MACROD2: variants seen among roughly 807,000 people sequenced by gnomAD.
MACROD2 encodes mono-ADP ribosylhydrolase 2, also known as ADP-ribose glycohydrolase MACROD2.
A neutral mutation model predicts 70.4 loss-of-function variants in MACROD2; 36 were observed. The observed-to-expected ratio is 0.51, with a 90% CI of 0.39 to 0.68. MACROD2 has a LOEUF of 0.68. Ranked by LOEUF, MACROD2 falls within the 30% of genes least tolerant of loss-of-function variation. The pLI is 0.00. For synonymous variants in MACROD2, 172 were observed against 178.8 expected (o/e 0.96, Z 0.30); for missense variants, 496 against 538.4 (o/e 0.92, Z 0.78).
chr20:14,696,187 G>A (rs562681560), intron 5 of MACROD2, among the ~76,000 whole-genome samples: 17 of 147,174 alleles, frequency 1.2e-4, no homozygotes, highest in South Asian at 2.1e-4. Context: ...TAGATAGATC[G>A]ATAGATAGAT....
At chr20:15,432,448 C>A (rs2046374916) in intron 7 of MACROD2, among the ~76,000 whole-genome samples, 1 of 152,054 alleles carries the variant, frequency 6.6e-6, no homozygotes, top group South Asian at 2.1e-4. Context: ...TACAGCCTGT[C>A]TTTGTGGAAA....
At chr20:15,101,590 A>G (rs545657852) in intron 5 of MACROD2, among the ~76,000 whole-genome samples, 5 of 119,274 alleles carry the variant, frequency 4.2e-5, no homozygotes, top group Admixed American at 9.0e-5. Flanking sequence ...TTTGCTTTTC[A>G]GTGAAATTTA....
chr20:15,467,318 G>A (rs147504298), intron 7 of MACROD2, among the ~76,000 whole-genome samples: 47 of 152,316 alleles, frequency 3.1e-4, no homozygotes, highest in South Asian at 4.1e-4. Flanking sequence ...GTCCACAGTG[G>A]CAACTGCTTT....
chr20:15,250,748 C>T (rs950255328), intron 6 of MACROD2, among the ~76,000 whole-genome samples: 13 of 152,100 alleles, frequency 8.5e-5, no homozygotes, highest in Non-Finnish European at 1.8e-4. Context: ...GTCTTCTCTT[C>T]CTTGGGAAAA....
At chr20:15,055,700 G>A (rs753015420) in intron 5 of MACROD2, among the ~76,000 whole-genome samples, 9 of 152,020 alleles carry the variant, frequency 5.9e-5, no homozygotes, top group Non-Finnish European at 8.8e-5. Context: ...ACAAGGTTTA[G>A]CCCAGAGTAT....
intron 6 of MACROD2, among the ~76,000 whole-genome samples, chr20:15,358,277 T>G (rs1198385040): frequency 1.3e-5 from 2 of 152,168 alleles, no homozygotes. Flanking sequence ...AAAGATAGAA[T>G]GCATTAAAAG....
intron 7 of MACROD2, among the ~76,000 whole-genome samples, chr20:15,467,822 A>T (rs1197557804): frequency 1.3e-5 from 2 of 152,186 alleles, no homozygotes; most frequent in Non-Finnish European, 2.9e-5. Flanking sequence ...TCCTGAGTGT[A>T]TAGTGGCAAG....
chr20:14,752,022 C>T (rs570751297), intron 5 of MACROD2, among the ~76,000 whole-genome samples: 2 of 151,360 alleles, frequency 1.3e-5, no homozygotes, highest in Non-Finnish European at 2.9e-5. Context: ...CTCTGGCTGC[C>T]TTTGTTTAGT....
chr20:14,933,030 C>A (rs571087405), intron 5 of MACROD2, among the ~76,000 whole-genome samples: 1 of 151,662 alleles, frequency 6.6e-6, no homozygotes, highest in Non-Finnish European at 1.5e-5. Context: ...TAAGTATTAA[C>A]GAAATAGAAA....
intron 5 of MACROD2, among the ~76,000 whole-genome samples, chr20:15,106,376 C>A (rs556936242): frequency 6.6e-6 from 1 of 152,162 alleles, no homozygotes; most frequent in Non-Finnish European, 1.5e-5. Context: ...TTATTAGTTT[C>A]TCGGTAAGCT....
chr20:14,938,212 A>G (rs939260243), intron 5 of MACROD2, among the ~76,000 whole-genome samples: 2 of 151,978 alleles, frequency 1.3e-5, no homozygotes, highest in African/African-American at 4.8e-5. Context: ...TATACCCAGT[A>G]TTGGAATTAC....
chr20:14,183,679 C>G (rs1236235352), intron 3 of MACROD2, among the ~76,000 whole-genome samples: 4 of 152,108 alleles, frequency 2.6e-5, no homozygotes, highest in Non-Finnish European at 5.9e-5. Flanking sequence ...TCCTTTTTCT[C>G]TACAACCACA....
intron 4 of MACROD2, among the ~76,000 whole-genome samples, chr20:14,683,704 G>A (rs543853576): frequency 5.9e-5 from 9 of 152,144 alleles, no homozygotes; most frequent in South Asian, 4.2e-4. Context: ...ATCCAGCTTC[G>A]TCTTAAATAA....
intron 15 of MACROD2, among the ~76,000 whole-genome samples, chr20:16,029,934 A>T (rs1398563563): frequency 6.6e-6 from 1 of 152,248 alleles, no homozygotes; most frequent in Non-Finnish European, 1.5e-5. Context: ...CTCTGGCGTG[A>T]ACAAGAACCA....
chr20:14,258,776 A>G (rs1260880517), intron 3 of MACROD2, among the ~76,000 whole-genome samples: 2 of 150,314 alleles, frequency 1.3e-5, no homozygotes, highest in Non-Finnish European at 3.0e-5. Context: ...TTTGTCATGA[A>G]CTCTCCCTAA....
intron 2 of MACROD2, among the ~76,000 whole-genome samples, chr20:14,024,753 A>G (rs1292268483): frequency 6.6e-6 from 1 of 152,166 alleles, no homozygotes; most frequent in Non-Finnish European, 1.5e-5. Flanking sequence ...GCTTTTTGAT[A>G]TGCTGCTGAA....
intron 3 of MACROD2, among the ~76,000 whole-genome samples, chr20:14,485,247 A>G (rs2084708761): frequency 6.6e-6 from 1 of 152,212 alleles, no homozygotes; most frequent in Non-Finnish European, 1.5e-5. Context: ...AGTGCCCATC[A>G]GTAATGGGAG....
chr20:14,483,374 A>C (rs1317459936), intron 3 of MACROD2, among the ~76,000 whole-genome samples: 2 of 152,064 alleles, frequency 1.3e-5, no homozygotes, highest in African/African-American at 4.8e-5. Flanking sequence ...ATATCTTTCT[A>C]GTAAGTTAAT....
chr20:14,322,116 G>A lies in MACROD2; in HGVS notation c.272-171363G>A, dbSNP rs73092412. 6.3e-3 allele frequency among the ~76,000 whole-genome samples: 887 copies of A among 141,018 alleles called. 4 individuals are homozygous for A. Among genetic ancestry groups the A allele is most frequent in the Admixed American group, 0.013 (183 of 13,664 alleles). 92.5% of individuals were successfully genotyped at this position (141,018 alleles called of 152,430 possible). A position where few individuals can be genotyped will look rare whatever the true frequency, so the allele number is the denominator to read the frequency against. Reference sequence around the variant, plus strand: ...CATTTAGTTTGGGATGCATGGAAATGTATGTATAATTATTGAGTGCCCTTT... The same window carrying A: ...CATTTAGTTTGGGATGCATGGAAATATATGTATAATTATTGAGTGCCCTTT... On this transcript the variant is annotated intron_variant, in intron 3 of 17. Coordinates refer to ENST00000684519, the MANE Select transcript of MACROD2 (RefSeq NM_001351661.2).
Sources: gnomAD v4.1 joint callset for allele counts (sites outside exome capture counted in the v4.1 genomes callset) on GRCh38, gnomAD v4.1.1 for gene constraint, MANE v1.5 for transcripts, NCBI Gene and HGNC (gene_info 2026-07-23, HGNC 2026-07-21) for gene names.